The following ANKFN1 variants were observed in gnomAD, a reference collection of about 807,000 sequenced individuals.
The protein encoded by ANKFN1 is ankyrin repeat and fibronectin type III domain containing 1, also known as ankyrin repeat and fibronectin type-III domain-containing protein 1.
Under a neutral mutation model 108.7 loss-of-function variants are expected in ANKFN1, and 74 were observed. The observed-to-expected ratio is 0.68, with a 90% CI of 0.56 to 0.83. The LOEUF (loss-of-function observed/expected upper bound fraction) is 0.83. Ranked by LOEUF, ANKFN1 falls within the 40% of genes least tolerant of loss-of-function variation. The pLI is 0.00. For synonymous variants in ANKFN1, 547 were observed against 516.2 expected, an observed-to-expected ratio of 1.06 and a Z score of -0.81; for missense variants, 1,505 against 1,382.3, an observed-to-expected ratio of 1.09 and a Z score of -1.41.
At chr17:56,357,161 C>A (rs963981006) in intron 6 of ANKFN1, among the ~76,000 whole-genome samples, 4 of 152,106 alleles carry the variant, frequency 2.6e-5, no homozygotes, top group Admixed American at 6.6e-5. Flanking sequence ...AACATGACAC[C>A]TAAGTCACCT....
At chr17:56,242,918 A>G (rs939267324) in intron 3 of ANKFN1, among the ~76,000 whole-genome samples, 2 of 152,006 alleles carry the variant, frequency 1.3e-5, no homozygotes, top group Non-Finnish European at 2.9e-5. Context: ...TTCTGCCTCT[A>G]TGGAGATGAT....
At chr17:56,498,744 C>T in intron 19 of ANKFN1, 138 bp from the exon 20 acceptor site, 1 of 707,880 alleles carries the variant, frequency 1.4e-6, no homozygotes, top group Non-Finnish European at 2.3e-6. Flanking sequence ...TCTGGCTTAA[C>T]AAATCTATGT....
chr17:56,431,641 T>C (rs886628439), intron 8 of ANKFN1, among the ~76,000 whole-genome samples: 1 of 152,174 alleles, frequency 6.6e-6, no homozygotes, highest in Admixed American at 6.5e-5. Flanking sequence ...GTTTAATTCA[T>C]TGCTTAAAAT....
At chr17:56,422,490 CAT>C (rs1344102068) in intron 8 of ANKFN1, among the ~76,000 whole-genome samples, 1 of 149,648 alleles carries the variant, frequency 6.7e-6, no homozygotes, top group African/African-American at 2.5e-5. Flanking sequence ...CACACACGCA[CAT>C]ACACACACAC....
intron 4 of ANKFN1, among the ~76,000 whole-genome samples, chr17:56,081,928 C>T (rs532356593): frequency 4.8e-4 from 73 of 152,264 alleles, no homozygotes; most frequent in African/African-American, 1.7e-3. Flanking sequence ...GCCCACGCAC[C>T]GAACTCCTGA....
rs190553056 is a variant in ANKFN1, at chr17:56,435,087, C to T, written c.911-5240C>T. On this transcript the variant is annotated intron_variant, in intron 8 of 20. Coordinates refer to ENST00000682825, the MANE Select transcript of ANKFN1 (RefSeq NM_001370326.1). ...GAAGGCCAGTTATTAATCTCCATTTCAACCACTAACTGAGCAGTAGAAGTA... is the reference window on the plus strand; with the variant it reads ...GAAGGCCAGTTATTAATCTCCATTTTAACCACTAACTGAGCAGTAGAAGTA... 8.1e-4 allele frequency among the ~76,000 whole-genome samples: 124 copies of T among 152,262 alleles called. 2 individuals carry two copies. The highest frequency in any genetic ancestry group is 1.6e-4 in the Non-Finnish European group (11 of 68,022).
intron 4 of ANKFN1, among the ~76,000 whole-genome samples, chr17:56,073,977 T>G (rs1298810991): frequency 6.6e-6 from 1 of 152,216 alleles, no homozygotes; most frequent in Non-Finnish European, 1.5e-5. Flanking sequence ...AAGATTTGTT[T>G]CAGAGGTTGT....
intron 3 of ANKFN1, among the ~76,000 whole-genome samples, chr17:56,281,740 A>G (rs1567883173): frequency 1.3e-5 from 2 of 152,226 alleles, no homozygotes; most frequent in Non-Finnish European, 2.9e-5. Context: ...ACATTTTTTA[A>G]GTGCTGAAAT....
chr17:56,065,209 T>C (rs1905041673), intron 4 of ANKFN1, among the ~76,000 whole-genome samples: 1 of 152,186 alleles, frequency 6.6e-6, no homozygotes, highest in Admixed American at 6.5e-5. Flanking sequence ...TTCCATCTTT[T>C]CTCCTGAAGC....
At chr17:56,317,539 T>A (rs1009868563) in intron 3 of ANKFN1, among the ~76,000 whole-genome samples, 1 of 152,132 alleles carries the variant, frequency 6.6e-6, no homozygotes, top group Non-Finnish European at 1.5e-5. Flanking sequence ...AGATGACAGA[T>A]TAGAGTAACA....
chr17:56,151,187 C>T (rs932095378), upstream of ANKFN1, among the ~76,000 whole-genome samples: 2 of 152,168 alleles, frequency 1.3e-5, no homozygotes, highest in Non-Finnish European at 2.9e-5. Context: ...TCCTCTATTA[C>T]TCACTTTGGC....
intron 4 of ANKFN1, among the ~76,000 whole-genome samples, chr17:56,108,617 G>A (rs1053372077): frequency 6.6e-6 from 1 of 152,070 alleles, no homozygotes; most frequent in Non-Finnish European, 1.5e-5. Flanking sequence ...AATATATAAC[G>A]CAGCTAGTAC....
chr17:56,119,994 C>T (rs1047933433), intron 4 of ANKFN1, among the ~76,000 whole-genome samples: 3 of 152,102 alleles, frequency 2.0e-5, no homozygotes, highest in Admixed American at 6.6e-5. Flanking sequence ...CTCAGGTTTT[C>T]GTTGCTGGCA....
intron 1 of ANKFN1, among the ~76,000 whole-genome samples, chr17:56,186,430 T>C (rs1912217102): frequency 6.6e-6 from 1 of 151,856 alleles, no homozygotes; most frequent in African/African-American, 2.4e-5. Flanking sequence ...CATTTTACAG[T>C]TCAAGAGAGG....
Position 56,144,185 on chromosome 17 carries a change from A to ATACT in ANKFN1, c.289-83732_289-83731insTACT, listed in dbSNP as rs1555600058. ...AAAAAAAAAAAAAAAAAAAAAAAAA[A>ATACT]CAGCCCAAACCAAATGAATGCAGAG... On this transcript the variant is annotated intron_variant, in intron 4 of 12. Coordinates refer to the ANKFN1 transcript ENST00000635860. 9.1e-5 allele frequency among the ~76,000 whole-genome samples: 9 copies of ATACT among 99,242 alleles called. 2 individuals are homozygous for ATACT. Among genetic ancestry groups the ATACT allele is most frequent in the African/African-American group, 3.2e-4 (9 of 28,018 alleles). The allele number at this position is 99,242 out of a possible 152,430, so 65.1% of individuals were successfully genotyped here.
chr17:56,510,409 A>T, intron 20 of ANKFN1, 64 bp from the exon 21 acceptor site: 1 of 1,364,928 alleles, frequency 7.3e-7, no homozygotes, highest in Non-Finnish European at 9.9e-7. Context: ...CACTGTTCCT[A>T]TGCCTGTGAA....
chr17:56,331,346 G>C (rs148501721), intron 4 of ANKFN1, among the ~76,000 whole-genome samples: 89 of 152,222 alleles, frequency 5.8e-4, no homozygotes, highest in African/African-American at 1.7e-3. Context: ...GACTATATCT[G>C]TCTACCCACC....
intron 3 of ANKFN1, among the ~76,000 whole-genome samples, chr17:56,325,618 C>T (rs2045495235): frequency 6.6e-6 from 1 of 152,214 alleles, no homozygotes. Context: ...TGCACAGCTT[C>T]AGCAGCCCTG....
intron 3 of ANKFN1, among the ~76,000 whole-genome samples, chr17:56,316,438 C>T (rs9913603): frequency 0.033 from 5,064 of 152,054 alleles, 111 homozygotes; most frequent in Non-Finnish European, 0.046. Flanking sequence ...GGGTCATAAG[C>T]CACCCACTCA....
Sources: gnomAD v4.1 joint callset for allele counts (sites outside exome capture counted in the v4.1 genomes callset) on GRCh38, gnomAD v4.1.1 for gene constraint, MANE v1.5 for transcripts, NCBI Gene and HGNC (gene_info 2026-07-23, HGNC 2026-07-21) for gene names.